Variants in TNK2 observed in about 807,000 individuals in gnomAD.
The protein encoded by TNK2 is tyrosine kinase non receptor 2.
A neutral mutation model predicts 101.8 loss-of-function variants in TNK2; 83 were observed. The ratio of observed to expected loss-of-function variants is 0.82; its 90% CI spans 0.68 to 0.98. The LOEUF (loss-of-function observed/expected upper bound fraction) is 0.98. Ranked by LOEUF, TNK2 falls within the 50% of genes least tolerant of loss-of-function variation. TNK2 has a pLI of 0.00. For synonymous variants in TNK2, 804 were observed against 633.0 expected (o/e 1.27, Z -4.06); for missense variants, 1,665 against 1,483.2 (o/e 1.12, Z -2.01).
In TNK2 at chr3:195,870,418, G is replaced by A. The variant is rs1478648840; in HGVS notation, c.1452-213C>T. 5 of 1,400,582 alleles carry A rather than the reference G, an allele frequency of 3.6e-6. No individual in the cohort carries two copies. In the African/African-American group the frequency reaches 5.8e-5, roughly 16 times the overall value. The allele number at this position is 1,400,582 out of a possible 1,614,324, so 86.8% of individuals were successfully genotyped here. A position where few individuals can be genotyped will look rare whatever the true frequency, so the allele number is the denominator to read the frequency against. ...GAGAAAGGACACCTGACCCCAGGAT[G>A]GAAAGCCTAGGACCTCAGGGACTCC... On this transcript the variant is annotated intron_variant, in intron 10 of 15. Transcript: ENST00000672887.
chr3:195,867,748 G>A lies in TNK2; in HGVS notation c.2550C>T (p.Ala850=). The A allele has an allele frequency of 6.3e-7, 1 of 1,596,548 alleles. No homozygotes were observed. The highest frequency in any genetic ancestry group is 8.5e-7 in the Non-Finnish European group (1 of 1,172,706). ...PKYATPQVIQ[A]PGPRAGPCIL... Reference sequence around the variant, plus strand: ...TGCAGGGACCAGCCCGCGGGCCAGGGGCCTGGATCACCTGGGGGGTGGCGT... The same window carrying A: ...TGCAGGGACCAGCCCGCGGGCCAGGAGCCTGGATCACCTGGGGGGTGGCGT... The change falls in exon 13 of 16, where the codon GCC becomes GCT. Residue 850 remains alanine (A), a synonymous_variant. Transcript: ENST00000672887.
chr3:195,880,819 AC>A (rs55804249), intron 6 of TNK2, among the ~76,000 whole-genome samples: 29 of 1,984 alleles, frequency 0.015, no homozygotes, highest in South Asian at 0.05. Context: ...TCCCTGTAAC[AC>A]CCCCCCCAGC....
chr3:195,903,011 A>G (rs1374267683), intron 1 of TNK2, among the ~76,000 whole-genome samples: 1 of 151,156 alleles, frequency 6.6e-6, no homozygotes. Flanking sequence ...CGGCCTCCCA[A>G]AGTACTGGGA....
At chr3:195,900,630 G>C (rs1017919087) in intron 1 of TNK2, among the ~76,000 whole-genome samples, 5 of 152,216 alleles carry the variant, frequency 3.3e-5, no homozygotes, top group Admixed American at 2.6e-4. Context: ...AGCAGCAGTG[G>C]GTGGCAGAGG....
At position 195,866,903 on chromosome 3, in the gene TNK2, G is replaced by A. The variant is rs763843026; in HGVS notation, c.3147C>T (p.Gly1049=). 4 of 1,611,010 alleles carry A rather than the reference G, an allele frequency of 2.5e-6. No homozygotes were observed. The highest frequency in any genetic ancestry group is 3.4e-6 in the Non-Finnish European group (4 of 1,179,136). ...QAGCHLLGSW[G]PAHHKR Reference sequence around the variant, plus strand: ...GGCTCACTCACTTGTGGTGGGCAGGGCCCCAGGAGCCCAGAAGGTGGCAGC... The same window carrying A: ...GGCTCACTCACTTGTGGTGGGCAGGACCCCAGGAGCCCAGAAGGTGGCAGC... The change falls in exon 15 of 16, where the codon GGC becomes GGT. Residue 1049 remains glycine (G), a synonymous_variant. Transcript: ENST00000672887.
intron 9 of TNK2, among the ~76,000 whole-genome samples, chr3:195,877,270 T>G (rs539908633): frequency 6.6e-6 from 1 of 152,174 alleles, no homozygotes; most frequent in South Asian, 2.1e-4. Context: ...GTCATTCCTA[T>G]TCCCAGACCC....
chr3:195,870,013 C>T, intron 11 of TNK2, 101 bp downstream of exon 11: 1 of 950,734 alleles, frequency 1.1e-6, no homozygotes, highest in Non-Finnish European at 1.5e-6. Flanking sequence ...ACCCCACTGT[C>T]CCCAAAAACA....
At chr3:195,865,887 G>A (rs1740507881) in intron 15 of TNK2, among the ~76,000 whole-genome samples, 1 of 152,104 alleles carries the variant, frequency 6.6e-6, no homozygotes, top group Non-Finnish European at 1.5e-5. Flanking sequence ...TCCACGGGGT[G>A]AGCACTATTA....
chr3:195,906,513 C>T (rs188330742), intron 1 of TNK2, among the ~76,000 whole-genome samples: 81 of 152,140 alleles, frequency 5.3e-4, no homozygotes, highest in Non-Finnish European at 7.1e-4. Context: ...GACGCGATTC[C>T]GTTTACAGTA....
intron 1 of TNK2, among the ~76,000 whole-genome samples, chr3:195,907,602 C>T (rs759502029): frequency 4.6e-5 from 7 of 152,242 alleles, no homozygotes; most frequent in Non-Finnish European, 8.8e-5. Flanking sequence ...CCGCCAAGCC[C>T]CCTGGGGGCA....
At chr3:195,887,955 CGTGT>C (rs58113480) in intron 2 of TNK2, among the ~76,000 whole-genome samples, 12,270 of 148,050 alleles carry the variant, frequency 0.083, 700 homozygotes, top group African/African-American at 0.17. Context: ...TGTGTGCCTG[CGTGT>C]GTGTGTGTGT....
chr3:195,895,274 C>T, intron 1 of TNK2: 1 of 1,559,736 alleles, frequency 6.4e-7, no homozygotes, highest in Non-Finnish European at 8.7e-7. Context: ...CCCAGCCAGG[C>T]GCTGGTAAGC....
At chr3:195,869,386 C>A in intron 12 of TNK2, 111 bp downstream of exon 12, 1 of 932,776 alleles carries the variant, frequency 1.1e-6, no homozygotes, top group South Asian at 1.4e-5. Flanking sequence ...ACAGCACACA[C>A]CCACCCACCT....
chr3:195,865,964 G>A (rs1740570429), intron 15 of TNK2, among the ~76,000 whole-genome samples: 1 of 152,210 alleles, frequency 6.6e-6, no homozygotes, highest in Non-Finnish European at 1.5e-5. Context: ...GACAAGGGCA[G>A]CAGGTATCTC....
chr3:195,887,901 T>TGC (rs1418597250), intron 2 of TNK2, among the ~76,000 whole-genome samples: 20 of 125,480 alleles, frequency 1.6e-4, no homozygotes, highest in African/African-American at 8.5e-4. Flanking sequence ...CGTGCATGCG[T>TGC]GTGTGCACGT....
chr3:195,869,354 G>A, intron 12 of TNK2, 143 bp downstream of exon 12: 1 of 912,740 alleles, frequency 1.1e-6, no homozygotes, highest in African/African-American at 1.6e-5. Flanking sequence ...GGCATGCTAG[G>A]CCAGGGCAGC....
chr3:195,876,276 G>A (rs957137694), intron 9 of TNK2, among the ~76,000 whole-genome samples: 4 of 152,208 alleles, frequency 2.6e-5, no homozygotes, highest in Non-Finnish European at 4.4e-5. Flanking sequence ...GAGAAGGACT[G>A]AGCCTAGACT....
At chr3:195,877,568 G>T (rs1218536765) in intron 9 of TNK2, among the ~76,000 whole-genome samples, 1 of 152,206 alleles carries the variant, frequency 6.6e-6, no homozygotes, top group Non-Finnish European at 1.5e-5. Flanking sequence ...CTGCCTCAAA[G>T]GTACCTGAAA....
intron 4 of TNK2, 87 bp downstream of exon 4, chr3:195,884,725 C>G (rs1007155341): frequency 7.0e-6 from 9 of 1,278,758 alleles, no homozygotes; most frequent in Non-Finnish European, 9.8e-6. Flanking sequence ...TCCCCAGTCC[C>G]ATCCACACCC....
Sources: gnomAD v4.1 joint callset for allele counts (sites outside exome capture counted in the v4.1 genomes callset) on GRCh38, gnomAD v4.1.1 for gene constraint, MANE v1.5 for transcripts, NCBI Gene and HGNC (gene_info 2026-07-23, HGNC 2026-07-21) for gene names.